CKMT1B: variants seen among roughly 807,000 people sequenced by gnomAD.
CKMT1B encodes the protein creatine kinase, mitochondrial 1B.
In CKMT1B, 13 loss-of-function variants were observed where a neutral mutation model predicts 21.8. That is an observed-to-expected ratio of 0.60 (90% CI 0.39 to 0.95). The LOEUF (loss-of-function observed/expected upper bound fraction) is 0.95. Among genes scored for constraint, CKMT1B ranks in the 40% least tolerant of loss-of-function variants. The pLI is 0.00. For synonymous variants in CKMT1B, 50 were observed against 80.3 expected, an observed-to-expected ratio of 0.62 and a Z score of 2.02; for missense variants, 157 against 227.5, an observed-to-expected ratio of 0.69 and a Z score of 1.99.
intron 6 of CKMT1B, chr15:43,597,534 T>G: frequency 1.7e-6 from 2 of 1,174,852 alleles, no homozygotes; most frequent in Non-Finnish European, 1.1e-6. Flanking sequence ...CCTTCTGAAC[T>G]ATAAAGAGGA....
At chr15:43,598,152 A>T (rs1430468175) in intron 6 of CKMT1B, 41 bp from the exon 7 acceptor site, 1 of 1,608,336 alleles carries the variant, frequency 6.2e-7, no homozygotes. Flanking sequence ...GGTTAATGAA[A>T]TATCCCTGAT....
intron 6 of CKMT1B, chr15:43,597,949 T>G: frequency 7.2e-7 from 1 of 1,384,978 alleles, no homozygotes; most frequent in Non-Finnish European, 9.3e-7. Context: ...CTCCTTCGAG[T>G]TTTCTTCTTC....
intron 7 of CKMT1B, 104 bp downstream of exon 7, chr15:43,598,431 A>G: frequency 1.9e-6 from 3 of 1,556,742 alleles, no homozygotes; most frequent in Non-Finnish European, 2.6e-6. Context: ...GTTGTGGCTA[A>G]AGGGTCAGAG....
intron 8 of CKMT1B, 91 bp from the exon 9 acceptor site, chr15:43,599,066 G>C: frequency 6.3e-7 from 1 of 1,578,854 alleles, no homozygotes; most frequent in Non-Finnish European, 8.6e-7. Context: ...CAGGTTGAGT[G>C]GGGAGGCAAT....
intron 7 of CKMT1B, 94 bp from the exon 8 acceptor site, chr15:43,598,733 A>G: frequency 6.9e-7 from 1 of 1,459,116 alleles, no homozygotes; most frequent in Non-Finnish European, 9.1e-7. Context: ...AAAAAAGTTC[A>G]GGAGACAGAG....
rs1355988037 is a variant in CKMT1B at position 43,598,818 on chromosome 15, C to T, written c.1012-9C>T. The T allele has an allele frequency of 3.7e-6, 6 of 1,602,318 alleles. No individual in the cohort carries two copies. The highest frequency in any genetic ancestry group is 5.1e-6 in the Non-Finnish European group (6 of 1,176,244). On this transcript the variant is annotated splice_polypyrimidine_tract_variant and intron_variant, in intron 7 of 8. Transcript: ENST00000441322. The stretch of plus-strand genomic sequence containing the variant: ...TTGACCCTGCTCCCAATCCCTATCT[C>T]CTCTCTAGGATAGCCGCTTCCCAAA...
chr15:43,599,116 C>T, intron 8 of CKMT1B, 41 bp from the exon 9 acceptor site: 1 of 1,611,328 alleles, frequency 6.2e-7, no homozygotes, highest in Non-Finnish European at 8.5e-7. Flanking sequence ...TAAAGAAAAA[C>T]TCAGACTGTA....
rs933691988 is a variant in CKMT1B, at chr15:43,597,495, G to A, written c.877-698G>A. 26 of 1,265,308 alleles carry A rather than the reference G, an allele frequency of 2.1e-5. 2 individuals are homozygous for A. The highest frequency in any genetic ancestry group is 2.7e-5 in the Non-Finnish European group (26 of 968,744). The allele number at this position is 1,265,308 out of a possible 1,614,324, so 78.4% of individuals were successfully genotyped here. On this transcript the variant is annotated intron_variant, in intron 6 of 8. Transcript: ENST00000441322. ...ATGGAAGAGTTTCCCCCCATGTTCAGCATGTAAGATATCCCCTATGGCATG... is the reference window on the plus strand; with the variant it reads ...ATGGAAGAGTTTCCCCCCATGTTCAACATGTAAGATATCCCCTATGGCATG...
In CKMT1B at chr15:43,599,146, G is replaced by C. The variant is rs1308515596; in HGVS notation, c.1138-11G>C. ...ACTGTAGGAAGCAGATCAAAGATTA[G>C]TGTCCCTTAGGTGGAGCTGGTGCAA... On this transcript the variant is annotated splice_polypyrimidine_tract_variant and intron_variant, in intron 8 of 8. Coordinates refer to ENST00000441322, the MANE Select transcript of CKMT1B (RefSeq NM_001375484.1). 10 of 1,613,590 alleles carry C rather than the reference G, an allele frequency of 6.2e-6. No homozygotes were observed. The highest frequency in any genetic ancestry group is 4.0e-5 in the African/African-American group (3 of 74,774).
upstream of CKMT1B, chr15:43,593,177 AG>A (rs2085559050): frequency 1.5e-5 from 1 of 68,440 alleles, no homozygotes; most frequent in Admixed American, 1.6e-4. Context: ...CACCACCAAC[AG>A]GTGGGCAAGC....
chr15:43,597,763 A>T, intron 6 of CKMT1B: 1 of 993,400 alleles, frequency 1.0e-6, no homozygotes, highest in Non-Finnish European at 1.2e-6. Context: ...ATGTTATCTT[A>T]CCTCTTCCTG....
Position 43,596,517 on chromosome 15 carries a change from C to T in CKMT1B, c.862C>T (p.Arg288Ter), listed in dbSNP as rs554099912. The change falls in exon 6 of 9, where the codon CGA becomes TGA. Residue 288 changes from arginine to a stop codon, truncating the protein, a stop_gained. Transcript: ENST00000441322. LOFTEE classifies it high-confidence loss of function. ...NMKRVFERFC[R>*]GLKEVERLIQ... Reference sequence around the variant, plus strand: ...GAAGAGAGTGTTTGAAAGATTCTGCCGAGGCCTCAAAGAGGTTAGAGAAGA... The same window carrying T: ...GAAGAGAGTGTTTGAAAGATTCTGCTGAGGCCTCAAAGAGGTTAGAGAAGA... 5.6e-5 allele frequency: 90 copies of T among 1,607,100 alleles called. 2 individuals carry two copies. The highest frequency in any genetic ancestry group is 4.2e-5 in the African/African-American group (3 of 71,340).
chr15:43,596,227 GC>G lies in CKMT1B; in HGVS notation c.689del (p.Pro230LeufsTer6), dbSNP rs1298118709. The G allele has an allele frequency of 3.7e-6, 2 of 535,210 alleles. No homozygotes were observed. The allele number at this position is 535,210 out of a possible 1,614,324, so 33.2% of individuals were successfully genotyped here. ...CCCAGGACCACTTTCTGTTTGATAA[GC>G]CTGTGTCCCCGTTGCTGACTGCAGC... The part of the protein sequence containing the change: ...LIDDHFLFDK[P>X]VSPLLTAAGM... On this transcript the variant is annotated frameshift_variant, in exon 5 of 9. Coordinates refer to ENST00000441322, the MANE Select transcript of CKMT1B (RefSeq NM_001375484.1). LOFTEE classifies it high-confidence loss of function.
Position 43,599,183 on chromosome 15 carries a change from T to C in CKMT1B, c.1164T>C (p.Asp388=). 1 of 1,613,704 alleles carries C rather than the reference T, an allele frequency of 6.2e-7. No homozygotes were observed. The highest frequency in any genetic ancestry group is 8.5e-7 in the Non-Finnish European group (1 of 1,179,866). ...SEVELVQLVI[D]GVNYLIDCER... ...TGGAGCTGGTGCAACTGGTCATCGATGGAGTAAACTATTTGATTGATTGTG... is the reference window on the plus strand; with the variant it reads ...TGGAGCTGGTGCAACTGGTCATCGACGGAGTAAACTATTTGATTGATTGTG... Residue 388 remains aspartate (D), a synonymous_variant, in exon 9 of 9, where the codon GAT becomes GAC. Transcript: ENST00000441322.
chr15:43,597,805 G>A lies in CKMT1B; in HGVS notation c.877-388G>A, dbSNP rs112130628. 4.3e-5 allele frequency: 46 copies of A among 1,072,336 alleles called. 1 individual carries two copies. Among genetic ancestry groups the A allele is most frequent in the Middle Eastern group, 4.2e-4 (1 of 2,372 alleles). 66.4% of individuals were successfully genotyped at this position (1,072,336 alleles called of 1,614,324 possible). A position where few individuals can be genotyped will look rare whatever the true frequency, so the allele number is the denominator to read the frequency against. ...CTTACACCTTCATCTTCTGTCTGAA[G>A]GGACCCTTCTAAGCTCTAGGCTCAT... On this transcript the variant is annotated intron_variant, in intron 6 of 8. Transcript: ENST00000441322.
At position 43,596,490 on chromosome 15, in the gene CKMT1B, A is replaced by G; in HGVS notation, c.835A>G (p.Met279Val). ...RVISMEKGGN[M>V]KRVFERFCRG... ...GATCTCCATGGAGAAGGGTGGTAAC[A>G]TGAAGAGAGTGTTTGAAAGATTCTG... Residue 279 changes from methionine to valine, a missense_variant, in exon 6 of 9, where the codon ATG (methionine) becomes GTG (valine). Coordinates refer to ENST00000441322, the MANE Select transcript of CKMT1B (RefSeq NM_001375484.1). 1.9e-6 allele frequency: 3 copies of G among 1,605,926 alleles called. No homozygotes were observed. The highest frequency in any genetic ancestry group is 2.5e-6 in the Non-Finnish European group (3 of 1,178,986).
chr15:43,599,194 A>G lies in CKMT1B; in HGVS notation c.1175A>G (p.Tyr392Cys). 1 of 1,613,658 alleles carries G rather than the reference A, an allele frequency of 6.2e-7. No individual in the cohort carries two copies. The highest frequency in any genetic ancestry group is 8.5e-7 in the Non-Finnish European group (1 of 1,179,840). ...CAACTGGTCATCGATGGAGTAAACT[A>G]TTTGATTGATTGTGAACGGCGTCTG... ...LVQLVIDGVN[Y>C]LIDCERRLER... The change falls in exon 9 of 9, where the codon TAT becomes TGT. Residue 392 changes from tyrosine (Y) to cysteine (C), a missense_variant. Coordinates refer to ENST00000441322, the MANE Select transcript of CKMT1B (RefSeq NM_001375484.1).
chr15:43,598,069 T>G (rs2085604478), intron 6 of CKMT1B, 124 bp from the exon 7 acceptor site: 4 of 1,482,838 alleles, frequency 2.7e-6, no homozygotes, highest in Non-Finnish European at 3.6e-6. Context: ...ACCAATGTCA[T>G]TCATTCACAG....
rs913687303 is a variant in CKMT1B at position 43,597,510 on chromosome 15, C to T, written c.877-683C>T. 4 of 1,246,666 alleles carry T rather than the reference C, an allele frequency of 3.2e-6. 1 individual carries two copies. In the African/African-American group the frequency reaches 6.7e-5, roughly 21 times the overall value. The allele number at this position is 1,246,666 out of a possible 1,614,324, so 77.2% of individuals were successfully genotyped here. A position where few individuals can be genotyped will look rare whatever the true frequency, so the allele number is the denominator to read the frequency against. On this transcript the variant is annotated intron_variant, in intron 6 of 8. Transcript: ENST00000441322. ...CCCATGTTCAGCATGTAAGATATCC[C>T]CTATGGCATGGTTCCTTCTGAACTA...
Sources: gnomAD v4.1 joint callset for allele counts on GRCh38, gnomAD v4.1.1 for gene constraint, MANE v1.5 for transcripts, NCBI Gene and HGNC (gene_info 2026-07-23, HGNC 2026-07-21) for gene names.